The following COL25A1 variants were observed in gnomAD, a reference collection of about 807,000 sequenced individuals.
The protein encoded by COL25A1 is collagen type XXV alpha 1 chain.
In COL25A1, 103 loss-of-function variants were observed where a neutral mutation model predicts 128.4. That is an observed-to-expected ratio of 0.80 (90% CI 0.68 to 0.94). COL25A1 has a LOEUF of 0.94. Among genes scored for constraint, COL25A1 ranks in the 40% least tolerant of loss-of-function variants. The pLI is 0.00. For missense variants in COL25A1, 745 were observed against 840.0 expected (o/e 0.89, Z 1.40); for synonymous variants, 279 against 277.2 (o/e 1.01, Z -0.06).
At chr4:108,846,905 A>AT (rs36023184) in intron 27 of COL25A1, among the ~76,000 whole-genome samples, 70,001 of 131,782 alleles carry the variant, frequency 0.53, 19,073 homozygotes, top group South Asian at 0.72. Context: ...GAATTTTGTA[A>AT]TTTTTTTTTT....
At chr4:109,160,577 C>T (rs1772468852) in intron 3 of COL25A1, among the ~76,000 whole-genome samples, 3 of 152,136 alleles carry the variant, frequency 2.0e-5, no homozygotes, top group Admixed American at 2.0e-4. Context: ...CCACTACTAC[C>T]TACAAGATGC....
Position 109,301,725 on chromosome 4 carries a change from G to A in COL25A1, c.295C>T (p.Gln99Ter). The change falls in exon 2 of 38, where the codon CAG (glutamine) becomes TAG (stop). Residue 99 changes from glutamine (Q) to a stop codon, truncating the protein, a stop_gained and splice_region_variant. Transcript: ENST00000399132. LOFTEE classifies it high-confidence loss of function. ...VQEKVERLLA[Q>*]KSYEHMAKIR... is the part of the protein sequence containing the mutation. ...CAAAATACCCCAGCCTCTCACACCT[G>A]AGCCAGAAGTCGCTCCACTTTCTCT... 6.2e-7 allele frequency: 1 copy of A among 1,612,224 alleles called. No homozygotes were observed. The highest frequency in any genetic ancestry group is 8.5e-7 in the Non-Finnish European group (1 of 1,178,514).
chr4:108,938,519 G>A (rs112166078), intron 10 of COL25A1, among the ~76,000 whole-genome samples: 5,530 of 152,212 alleles, frequency 0.036, 174 homozygotes, highest in African/African-American at 0.067. Flanking sequence ...TTAAGGCTAT[G>A]ATGTGCTATG....
At chr4:109,065,507 C>A (rs1366759188) in intron 3 of COL25A1, among the ~76,000 whole-genome samples, 1 of 150,962 alleles carries the variant, frequency 6.6e-6, no homozygotes, top group African/African-American at 2.4e-5. Flanking sequence ...CACCAAATGG[C>A]TTGCAAATAC....
Position 109,159,363 on chromosome 4 carries a change from C to A in COL25A1, c.368-109184G>T, listed in dbSNP as rs143677385. Among the ~76,000 whole-genome samples the A allele has an allele frequency of 1.7e-3, 251 of 152,000 alleles. 3 individuals are homozygous for A. Among genetic ancestry groups the A allele is most frequent in the African/African-American group, 5.6e-3 (231 of 41,438 alleles). ...ATGCTTATAGTGGTGAGTGTGGTGACAATATTTTAAAGAAATAAAAAGGTA... is the reference window on the plus strand; with the variant it reads ...ATGCTTATAGTGGTGAGTGTGGTGAAAATATTTTAAAGAAATAAAAAGGTA... On this transcript the variant is annotated intron_variant, in intron 3 of 37. Coordinates refer to ENST00000399132, the MANE Select transcript of COL25A1 (RefSeq NM_198721.4).
chr4:109,259,842 G>A (rs1173657765), intron 3 of COL25A1, among the ~76,000 whole-genome samples: 2 of 152,098 alleles, frequency 1.3e-5, no homozygotes, highest in African/African-American at 2.4e-5. Flanking sequence ...TCCCATTAAA[G>A]CAACACCAGT....
intron 5 of COL25A1, among the ~76,000 whole-genome samples, chr4:109,014,958 AC>A (rs1478350462): frequency 6.6e-6 from 1 of 152,218 alleles, no homozygotes; most frequent in Non-Finnish European, 1.5e-5. Flanking sequence ...AACAATCGAC[AC>A]CTAAAATATC....
intron 11 of COL25A1, 56 bp downstream of exon 11, chr4:108,937,752 A>C: frequency 7.1e-7 from 1 of 1,406,404 alleles, no homozygotes; most frequent in South Asian, 1.2e-5. Flanking sequence ...CATAATCTTG[A>C]CCATAGTTGT....
chr4:109,042,052 T>C (rs1189137346), intron 5 of COL25A1, among the ~76,000 whole-genome samples: 1 of 152,116 alleles, frequency 6.6e-6, no homozygotes, highest in Non-Finnish European at 1.5e-5. Flanking sequence ...TCTTCTTCCT[T>C]GTTCCTTTTT....
chr4:109,277,151 T>C lies in COL25A1; in HGVS notation c.367+23432A>G, dbSNP rs1309941507. On this transcript the variant is annotated intron_variant, in intron 3 of 37. Coordinates refer to ENST00000399132, the MANE Select transcript of COL25A1 (RefSeq NM_198721.4). Reference sequence around the variant, plus strand: ...ACTATTTACTTTGCTCCAGGAACAATATTGTTATTAATATTGCATTAATTA... The same window carrying C: ...ACTATTTACTTTGCTCCAGGAACAACATTGTTATTAATATTGCATTAATTA... Among the ~76,000 whole-genome samples the C allele has an allele frequency of 2.0e-5, 3 of 152,174 alleles. No individual in the cohort carries two copies. In the East Asian group the frequency reaches 5.8e-4, roughly 29 times the overall value.
At chr4:109,101,661 A>T (rs965758941) in intron 3 of COL25A1, among the ~76,000 whole-genome samples, 1 of 152,156 alleles carries the variant, frequency 6.6e-6, no homozygotes, top group Non-Finnish European at 1.5e-5. Flanking sequence ...GTGTCTCTTG[A>T]ACTCATCTAT....
At chr4:109,070,416 C>T (rs1762833188) in intron 3 of COL25A1, among the ~76,000 whole-genome samples, 1 of 151,010 alleles carries the variant, frequency 6.6e-6, no homozygotes, top group East Asian at 1.9e-4. Context: ...TTATGTCAAT[C>T]TTCATATTCA....
Position 108,954,156 on chromosome 4 carries a change from G to C in COL25A1, c.493-12719C>G, listed in dbSNP as rs549903620. 3.3e-5 allele frequency among the ~76,000 whole-genome samples: 5 copies of C among 152,220 alleles called. No individual in the cohort carries two copies. In the East Asian group the frequency reaches 9.6e-4, roughly 29 times the overall value. ...GTCCCATGATTTGCTGTTAATGAAA[G>C]AGGCTGTTGTAATCTACATGAGAAT... On this transcript the variant is annotated intron_variant, in intron 8 of 37. Coordinates refer to ENST00000399132, the MANE Select transcript of COL25A1 (RefSeq NM_198721.4).
intron 3 of COL25A1, among the ~76,000 whole-genome samples, chr4:109,253,290 G>T (rs955636538): frequency 3.9e-5 from 6 of 152,176 alleles, no homozygotes; most frequent in Non-Finnish European, 7.3e-5. Flanking sequence ...CAGCCAGCAA[G>T]GTAGAGACCC....
Position 109,301,921 on chromosome 4 carries a change from C to T in COL25A1, c.99G>A (p.Pro33=). Residue 33 remains proline (P), a synonymous_variant, in exon 2 of 38, where the codon CCG becomes CCA. Coordinates refer to ENST00000399132, the MANE Select transcript of COL25A1 (RefSeq NM_198721.4). ...ACAGGAGGGCCGCCAGGACGGCACA[C>T]GGGGGCATGGTCCGGGCACAATGCT... ...AEQHCARTMP[P]CAVLAALLSV... 1 of 1,614,028 alleles carries T rather than the reference C, an allele frequency of 6.2e-7. No individual in the cohort carries two copies. Among genetic ancestry groups the T allele is most frequent in the South Asian group, 1.1e-5 (1 of 91,080 alleles).
Position 109,093,472 on chromosome 4 carries a change from A to C in COL25A1, c.368-43293T>G, listed in dbSNP as rs796483612. 1.0e-4 allele frequency among the ~76,000 whole-genome samples: 15 copies of C among 145,526 alleles called. 1 individual carries two copies. The highest frequency in any genetic ancestry group is 2.3e-4 in the African/African-American group (9 of 38,462). ...CCATCTCTATGAAAAAAAAAAAAAA[A>C]AAAACCTTTTTTAAATTAGTTAACT... On this transcript the variant is annotated intron_variant, in intron 3 of 37. Transcript: ENST00000399132.
chr4:109,031,359 G>A (rs866088512), intron 5 of COL25A1, among the ~76,000 whole-genome samples: 13 of 151,056 alleles, frequency 8.6e-5, no homozygotes, highest in African/African-American at 2.2e-4. Flanking sequence ...CTCGTGATCC[G>A]CCCGCCTCGG....
chr4:109,300,349 T>A (rs182621681), intron 3 of COL25A1, among the ~76,000 whole-genome samples: 1 of 152,310 alleles, frequency 6.6e-6, no homozygotes, highest in Non-Finnish European at 1.5e-5. Flanking sequence ...TTGCCTATAT[T>A]TTCTTTGGTG....
At chr4:109,243,250 T>C (rs973557444) in intron 3 of COL25A1, among the ~76,000 whole-genome samples, 1 of 152,004 alleles carries the variant, frequency 6.6e-6, no homozygotes, top group Non-Finnish European at 1.5e-5. Context: ...AGTTGAGTCT[T>C]CCTCTCTGTT....
Sources: gnomAD v4.1 joint callset for allele counts (sites outside exome capture counted in the v4.1 genomes callset) on GRCh38, gnomAD v4.1.1 for gene constraint, MANE v1.5 for transcripts, NCBI Gene and HGNC (gene_info 2026-07-23, HGNC 2026-07-21) for gene names.